MME: variants seen among roughly 807,000 people sequenced by gnomAD.
The protein encoded by MME is membrane metalloendopeptidase.
Under a neutral mutation model 113.2 loss-of-function variants are expected in MME, and 98 were observed. That is an observed-to-expected ratio of 0.87 (90% CI 0.74 to 1.02). MME has a LOEUF of 1.02. Among genes scored for constraint, MME ranks in the 50% least tolerant of loss-of-function variants. The pLI, the probability that MME is intolerant of heterozygous loss-of-function variation, is 0.00. For synonymous variants in MME, 292 were observed against 300.6 expected, an observed-to-expected ratio of 0.97 and a Z score of 0.30; for missense variants, 836 against 896.0, an observed-to-expected ratio of 0.93 and a Z score of 0.86.
intron 8 of MME, among the ~76,000 whole-genome samples, chr3:155,133,062 A>AAATATATATATATATATAT (rs1553762419): frequency 4.0e-5 from 3 of 75,082 alleles, no homozygotes; most frequent in African/African-American, 2.0e-4. Flanking sequence ...AAAAAAAAAA[A>AAATATATATATATATATAT]ATATATATAT....
intron 1 of MME, among the ~76,000 whole-genome samples, chr3:155,060,835 G>A (rs995033394): frequency 1.3e-5 from 2 of 150,710 alleles, no homozygotes; most frequent in East Asian, 3.9e-4. Flanking sequence ...GAGGCAGAGA[G>A]AGAGAGAGAG....
chr3:155,033,338 C>G (rs530913862), intron 1 of MME, among the ~76,000 whole-genome samples: 1 of 152,130 alleles, frequency 6.6e-6, no homozygotes. Flanking sequence ...TAATATATTG[C>G]TGACGTTAGA....
intron 2 of MME, 88 bp downstream of exon 2, chr3:155,084,415 T>C: frequency 7.3e-7 from 1 of 1,370,916 alleles, no homozygotes; most frequent in Non-Finnish European, 1.0e-6. Context: ...AACGAATGTG[T>C]TAAGGATAGA....
intron 16 of MME, among the ~76,000 whole-genome samples, chr3:155,150,332 T>A (rs1420158027): frequency 6.6e-6 from 1 of 152,174 alleles, no homozygotes; most frequent in African/African-American, 2.4e-5. Context: ...TTTCATCATA[T>A]GGGCTGATTT....
chr3:155,114,271 T>C (rs1338270082), intron 3 of MME, among the ~76,000 whole-genome samples: 3 of 152,178 alleles, frequency 2.0e-5, no homozygotes, highest in South Asian at 4.1e-4. Context: ...ATAATTCCTA[T>C]TTTATACATC....
At chr3:155,089,918 C>T (rs940163399) in intron 3 of MME, 13 of 439,744 alleles carry the variant, frequency 3.0e-5, no homozygotes, top group African/African-American at 6.0e-5. Context: ...CAAGATTGCA[C>T]GACTGCACTC....
At chr3:155,082,599 A>G (rs777186352) in intron 1 of MME, among the ~76,000 whole-genome samples, 4 of 152,200 alleles carry the variant, frequency 2.6e-5, no homozygotes, top group Admixed American at 1.3e-4. Flanking sequence ...ACATTTTAAC[A>G]TTCAGGTACA....
intron 1 of MME, among the ~76,000 whole-genome samples, chr3:155,068,457 C>T (rs889636673): frequency 3.9e-5 from 6 of 152,134 alleles, no homozygotes; most frequent in Admixed American, 1.3e-4. Context: ...ATGTCAATTA[C>T]GCATTAATAA....
At chr3:155,038,580 C>G (rs919327688) in intron 1 of MME, among the ~76,000 whole-genome samples, 4 of 152,162 alleles carry the variant, frequency 2.6e-5, no homozygotes, top group African/African-American at 9.7e-5. Context: ...AGAACTCACT[C>G]ATGATGTGGT....
intron 9 of MME, 93 bp downstream of exon 9, chr3:155,138,329 C>T (rs954561362): frequency 3.8e-6 from 5 of 1,320,902 alleles, no homozygotes; most frequent in Middle Eastern, 2.2e-4. Flanking sequence ...AAAGGTACAG[C>T]ACTTTAACCA....
intron 14 of MME, among the ~76,000 whole-genome samples, chr3:155,145,389 C>T (rs1270203921): frequency 6.6e-6 from 1 of 152,098 alleles, no homozygotes; most frequent in African/African-American, 2.4e-5. Context: ...AGGCTTCCCT[C>T]ATCTCACCCT....
At chr3:155,070,603 A>G (rs1714518948) in intron 1 of MME, among the ~76,000 whole-genome samples, 1 of 152,212 alleles carries the variant, frequency 6.6e-6, no homozygotes, top group Non-Finnish European at 1.5e-5. Flanking sequence ...ATAAATAAAT[A>G]AAGCATGGAA....
In MME at chr3:155,093,706, A is replaced by T. The variant is rs542561134; in HGVS notation, c.196+8612A>T. 2.6e-5 allele frequency among the ~76,000 whole-genome samples: 4 copies of T among 152,002 alleles called. No homozygotes were observed. In the South Asian group the frequency reaches 8.3e-4, roughly 32 times the overall value. ...CTCTGCCTCTACTAAAAATACAAAA[A>T]CTATCTGGGCATGGTGGTGGACGCC... On this transcript the variant is annotated intron_variant, in intron 3 of 22. Transcript: ENST00000360490.
chr3:155,069,300 T>C (rs1714477934), intron 1 of MME, among the ~76,000 whole-genome samples: 1 of 152,176 alleles, frequency 6.6e-6, no homozygotes, highest in South Asian at 2.1e-4. Flanking sequence ...TACAATGTTG[T>C]AGAAGCTAAG....
intron 16 of MME, among the ~76,000 whole-genome samples, chr3:155,157,640 C>A (rs1264262261): frequency 6.6e-6 from 1 of 152,130 alleles, no homozygotes; most frequent in Non-Finnish European, 1.5e-5. Flanking sequence ...TAGTTGTTAT[C>A]ATCACCTTAT....
intron 22 of MME, among the ~76,000 whole-genome samples, chr3:155,179,795 T>C (rs568882413): frequency 3.9e-5 from 6 of 152,296 alleles, no homozygotes; most frequent in Admixed American, 6.5e-5. Flanking sequence ...TTCCAGTTAT[T>C]CAAGCTGAAT....
intron 8 of MME, among the ~76,000 whole-genome samples, chr3:155,137,003 C>T (rs1720687148): frequency 6.6e-6 from 1 of 152,084 alleles, no homozygotes; most frequent in Non-Finnish European, 1.5e-5. Context: ...TTGGTTCAAA[C>T]CTAACAAAAG....
chr3:155,061,419 C>G (rs1037195270), intron 1 of MME, among the ~76,000 whole-genome samples: 2 of 146,484 alleles, frequency 1.4e-5, no homozygotes, highest in Non-Finnish European at 3.0e-5. Flanking sequence ...CCACTGCACT[C>G]CAACCTGGGC....
chr3:155,099,961 G>A (rs527509356), intron 3 of MME, among the ~76,000 whole-genome samples: 24 of 152,244 alleles, frequency 1.6e-4, no homozygotes, highest in African/African-American at 4.8e-4. Context: ...CAAGAAAACC[G>A]AGGCAATACC....
Sources: gnomAD v4.1 joint callset for allele counts (sites outside exome capture counted in the v4.1 genomes callset) on GRCh38, gnomAD v4.1.1 for gene constraint, MANE v1.5 for transcripts, NCBI Gene and HGNC (gene_info 2026-07-23, HGNC 2026-07-21) for gene names.